The following LRRC34 variants were observed in gnomAD, a reference collection of about 807,000 sequenced individuals.
LRRC34 encodes leucine-rich repeat-containing protein 34.
A neutral mutation model predicts 48.5 loss-of-function variants in LRRC34; 44 were observed. The ratio of observed to expected loss-of-function variants is 0.91; its 90% confidence interval spans 0.71 to 1.17. The LOEUF is 1.17. LRRC34 is among the 50% of genes most tolerant of loss of function. LRRC34 has a pLI of 0.00. For synonymous variants in LRRC34, 192 were observed against 197.6 expected, an observed-to-expected ratio of 0.97 and a Z score of 0.24; for missense variants, 502 against 563.0, an observed-to-expected ratio of 0.89 and a Z score of 1.10.
chr3:169,805,269 AC>A (rs1779332083), intron 5 of LRRC34, among the ~76,000 whole-genome samples: 1 of 152,218 alleles, frequency 6.6e-6, no homozygotes, highest in Non-Finnish European at 1.5e-5. Flanking sequence ...CACCAAAAAA[AC>A]CTGTTAGAAC....
chr3:169,803,971 A>G (rs1306517737), intron 6 of LRRC34, 82 bp downstream of exon 6: 1 of 1,340,070 alleles, frequency 7.5e-7, no homozygotes, highest in Non-Finnish European at 9.8e-7. Flanking sequence ...AAGAGGCAAA[A>G]TTAATCATTC....
Position 169,793,332 on chromosome 3 carries a change from C to G in LRRC34, c.*303G>C, listed in dbSNP as rs941658468. ...CTTTCAGTTAGATACCTACAATGAC[C>G]TTTACTTGTACGCTATTTCACTACT... On this transcript the variant is annotated 3_prime_UTR_variant, in exon 11 of 11. Transcript: ENST00000446859. The G allele has an allele frequency of 1.4e-5, 3 of 216,498 alleles. No homozygotes were observed. The highest frequency in any genetic ancestry group is 6.9e-5 in the African/African-American group (3 of 43,340). 13.4% of individuals were successfully genotyped at this position (216,498 alleles called of 1,614,324 possible).
At chr3:169,794,283 C>G (rs1266614584) in intron 10 of LRRC34, 3 of 158,834 alleles carry the variant, frequency 1.9e-5, no homozygotes, top group African/African-American at 7.2e-5. Flanking sequence ...TAAGGGAATC[C>G]CAGATTTGGA....
chr3:169,805,704 G>A (rs1779346013), intron 5 of LRRC34, among the ~76,000 whole-genome samples: 2 of 152,008 alleles, frequency 1.3e-5, no homozygotes, highest in South Asian at 4.2e-4. Flanking sequence ...GACCAGCGTG[G>A]AGAAACCCTG....
intron 2 of LRRC34, 24 bp from the exon 3 acceptor site, chr3:169,807,733 A>G (rs1779431930): frequency 6.5e-7 from 1 of 1,538,708 alleles, no homozygotes; most frequent in East Asian, 2.3e-5. Context: ...AAAAAAAAAA[A>G]AAAAAAAAAA....
At position 169,808,828 on chromosome 3, in the gene LRRC34, A is replaced by AT. The variant is rs1779470254; in HGVS notation, c.140-84dup. 5.2e-6 allele frequency: 4 copies of AT among 769,052 alleles called. No homozygotes were observed. The Admixed American group carries it at 7.7e-5, about 15-fold the overall frequency. The allele number at this position is 769,052 out of a possible 1,614,324, so 47.6% of individuals were successfully genotyped here. A position where few individuals can be genotyped will look rare whatever the true frequency, so the allele number is the denominator to read the frequency against. On this transcript the variant is annotated intron_variant, in intron 1 of 10. Coordinates refer to ENST00000446859, the MANE Select transcript of LRRC34 (RefSeq NM_001172779.2). ...ACCATAAAAACTACCTCTTTCAAATATATGAGTTGTATGTGTGTATAGTGG... is the reference window on the plus strand; with the variant it reads ...ACCATAAAAACTACCTCTTTCAAATATTATGAGTTGTATGTGTGTATAGTGG...
At chr3:169,802,205 C>A (rs576402734) in intron 6 of LRRC34, among the ~76,000 whole-genome samples, 2 of 152,048 alleles carry the variant, frequency 1.3e-5, no homozygotes, top group African/African-American at 4.8e-5. Context: ...AAATGGAAAA[C>A]CATAATCCCT....
At chr3:169,807,540 A>C (rs1779420236) in intron 3 of LRRC34, 48 bp downstream of exon 3, 3 of 1,612,580 alleles carry the variant, frequency 1.9e-6, no homozygotes, top group East Asian at 4.5e-5. Context: ...GAATACTTAA[A>C]ATCAGATCAA....
At position 169,812,158 on chromosome 3, in the gene LRRC34, CG is replaced by C. The variant is rs1779603329; in HGVS notation, c.139+251del. Among the ~76,000 whole-genome samples, 1 of 151,350 alleles carries C rather than the reference CG, an allele frequency of 6.6e-6. No homozygotes were observed. Among genetic ancestry groups the C allele is most frequent in the Admixed American group, 6.6e-5 (1 of 15,214 alleles). ...TCTGCACAACCTATCGCGCAAAGGG[CG>C]GACCCACGGGAACTCCTCTCCGTGG... is the stretch of plus-strand genomic sequence containing the variant. On this transcript the variant is annotated intron_variant, in intron 1 of 10. Coordinates refer to ENST00000446859, the MANE Select transcript of LRRC34 (RefSeq NM_001172779.2). This position sits in a 1 kb window ranked among gnomAD's most constrained non-coding sequence, Gnocchi z 4.3.
chr3:169,794,319 C>T (rs1778907788), intron 10 of LRRC34: 1 of 153,290 alleles, frequency 6.5e-6, no homozygotes, highest in Admixed American at 6.5e-5. Context: ...AGTTCATGAC[C>T]CCCCTGAATC....
At chr3:169,802,759 G>A (rs1779239217) in intron 6 of LRRC34, among the ~76,000 whole-genome samples, 1 of 152,100 alleles carries the variant, frequency 6.6e-6, no homozygotes, top group African/African-American at 2.4e-5. Context: ...GATCACCTGA[G>A]GTCGGGAGTT....
chr3:169,795,368 A>G, intron 10 of LRRC34, 117 bp downstream of exon 10: 1 of 1,052,440 alleles, frequency 9.5e-7, no homozygotes, highest in Non-Finnish European at 1.3e-6. Context: ...TATGTTAATT[A>G]TCAAAACTGC....
At position 169,795,751 on chromosome 3, in the gene LRRC34, C is replaced by G. The variant is rs992942129; in HGVS notation, c.1065-140G>C. On this transcript the variant is annotated intron_variant, in intron 9 of 10. Transcript: ENST00000446859. Reference sequence around the variant, plus strand: ...ATACTGACCATTTAATTCCTAAAATCCAAGAAACTTAGTTTTCTAATTAGA... The same window carrying G: ...ATACTGACCATTTAATTCCTAAAATGCAAGAAACTTAGTTTTCTAATTAGA... 5 of 1,347,250 alleles carry G rather than the reference C, an allele frequency of 3.7e-6. No homozygotes were observed. In the African/African-American group the frequency reaches 5.9e-5, roughly 16 times the overall value. The allele number at this position is 1,347,250 out of a possible 1,614,324, so 83.5% of individuals were successfully genotyped here. A position where few individuals can be genotyped will look rare whatever the true frequency, so the allele number is the denominator to read the frequency against.
chr3:169,806,833 T>G lies in LRRC34; in HGVS notation c.528+15A>C, dbSNP rs1779391224. 6.6e-7 allele frequency: 1 copy of G among 1,524,660 alleles called. No homozygotes were observed. The allele number at this position is 1,524,660 out of a possible 1,614,324, so 94.4% of individuals were successfully genotyped here. ...TTCCAAATACAATGTTAGTTTGAAA[T>G]ACATAAATGCTTACATGTAGCACTT... On this transcript the variant is annotated intron_variant, in intron 5 of 10. Transcript: ENST00000446859.
chr3:169,801,652 C>T (rs1779197314), intron 6 of LRRC34, among the ~76,000 whole-genome samples: 1 of 152,194 alleles, frequency 6.6e-6, no homozygotes, highest in African/African-American at 2.4e-5. Flanking sequence ...CCTCCATAAG[C>T]TTCTCTACTT....
rs1265043926 is a variant in LRRC34, at chr3:169,812,600, G to C, written c.-52C>G. The C allele has an allele frequency of 1.4e-6, 2 of 1,419,396 alleles. No individual in the cohort carries two copies. Among genetic ancestry groups the C allele is most frequent in the Non-Finnish European group, 1.8e-6 (2 of 1,093,798 alleles). The allele number at this position is 1,419,396 out of a possible 1,614,324, so 87.9% of individuals were successfully genotyped here. ...GCCTGCAGCTGTGAGGCGGCTACACGAGCCTCGGCGCCAGCCTGCTTCGAG... is the reference window on the plus strand; with the variant it reads ...GCCTGCAGCTGTGAGGCGGCTACACCAGCCTCGGCGCCAGCCTGCTTCGAG... On this transcript the variant is annotated 5_prime_UTR_variant, in exon 1 of 11. Transcript: ENST00000446859. This position sits in a 1 kb window ranked among gnomAD's most constrained non-coding sequence, Gnocchi z 4.3.
chr3:169,804,190 G>GA lies in LRRC34; in HGVS notation c.529-10dup, dbSNP rs761070507. ...TTCAGAGTCCGATTCTTCTGAAAAG[G>GA]AAAAAAAACTTATTTAATAATTGTT... is the stretch of plus-strand genomic sequence containing the variant. On this transcript the variant is annotated splice_polypyrimidine_tract_variant and intron_variant, in intron 5 of 10. Coordinates refer to ENST00000446859, the MANE Select transcript of LRRC34 (RefSeq NM_001172779.2). 4.3e-5 allele frequency: 66 copies of GA among 1,550,708 alleles called. No individual in the cohort carries two copies. The Middle Eastern group carries it at 1.3e-3, about 31-fold the overall frequency.
chr3:169,807,288 T>C, intron 4 of LRRC34, 138 bp downstream of exon 4: 1 of 819,220 alleles, frequency 1.2e-6, no homozygotes, highest in Non-Finnish European at 1.9e-6. Flanking sequence ...CCACAATGGG[T>C]TTCCAGTATA....
chr3:169,801,401 C>T (rs754549033), intron 6 of LRRC34, among the ~76,000 whole-genome samples: 11 of 152,188 alleles, frequency 7.2e-5, no homozygotes, highest in Non-Finnish European at 1.3e-4. Flanking sequence ...GTGGCCACCA[C>T]CCCAGCCCAA....
Sources: allele counts gnomAD v4.1 joint callset (sites outside exome capture counted in the v4.1 genomes callset), GRCh38; gene constraint gnomAD v4.1.1; non-coding constraint Gnocchi (gnomAD v3.1); transcripts MANE v1.5; gene names NCBI Gene and HGNC (gene_info 2026-07-23, HGNC 2026-07-21).